Variants in FRMPD4 observed in about 807,000 individuals in gnomAD.
FRMPD4 encodes FERM and PDZ domain containing 4.
In FRMPD4, 22 loss-of-function variants were observed where a neutral mutation model predicts 94.1. The observed-to-expected ratio is 0.23, with a 90% CI of 0.17 to 0.33. FRMPD4 has a LOEUF of 0.33. FRMPD4 is among the 10% of genes least tolerant of loss of function. The pLI is 1.00. For synonymous variants in FRMPD4, 631 were observed against 548.6 expected, an observed-to-expected ratio of 1.15 and a Z score of -2.10; for missense variants, 1,111 against 1,339.9, an observed-to-expected ratio of 0.83 and a Z score of 2.67.
intron 1 of FRMPD4, among the ~76,000 whole-genome samples, chrX:12,392,763 C>A (rs1400191815): frequency 8.9e-6 from 1 of 111,858 alleles, no homozygotes; most frequent in Admixed American, 9.4e-5. Flanking sequence ...TAAGTGTCTG[C>A]ATTATTTTCT....
intron 2 of FRMPD4, among the ~76,000 whole-genome samples, chrX:12,526,095 G>C (rs1006262220): frequency 8.0e-5 from 9 of 112,297 alleles, no homozygotes; most frequent in Non-Finnish European, 1.7e-4. Context: ...GTGCTACAGG[G>C]TAGGTAATTT....
At chrX:11,967,778 TA>T (rs2054319329) in intron 3 of FRMPD4, among the ~76,000 whole-genome samples, 5 of 102,543 alleles carry the variant, frequency 4.9e-5, no homozygotes, top group African/African-American at 1.8e-4. Flanking sequence ...TTTTTTTTTT[TA>T]AGGAAGCTGA....
intron 3 of FRMPD4, among the ~76,000 whole-genome samples, chrX:12,117,999 A>G (rs1043294670): frequency 1.8e-5 from 2 of 111,380 alleles, no homozygotes; most frequent in Non-Finnish European, 3.8e-5. Flanking sequence ...TCATCTGGGC[A>G]AATTCTTTTT....
At chrX:11,854,990 G>A (rs936303476) in intron 1 of FRMPD4, among the ~76,000 whole-genome samples, 5 of 111,988 alleles carry the variant, frequency 4.5e-5, no homozygotes, top group Admixed American at 1.9e-4. Context: ...CTCCACCCCT[G>A]CAGCATACTT....
intron 3 of FRMPD4, among the ~76,000 whole-genome samples, chrX:12,073,452 C>T (rs2054986737): frequency 8.9e-6 from 1 of 111,813 alleles, no homozygotes; most frequent in South Asian, 3.7e-4. Context: ...CATTATTATT[C>T]TTTTGATTAT....
At chrX:11,902,078 T>C (rs2053941346) in intron 3 of FRMPD4, among the ~76,000 whole-genome samples, 1 of 112,543 alleles carries the variant, frequency 8.9e-6, no homozygotes, top group African/African-American at 3.2e-5. Flanking sequence ...CTTATTTCTT[T>C]TGCTGCGTAG....
intron 5 of FRMPD4, among the ~76,000 whole-genome samples, chrX:12,678,796 C>G (rs188270218): frequency 1.4e-4 from 16 of 112,094 alleles, no homozygotes; most frequent in East Asian, 1.4e-3. Flanking sequence ...TTGCACTCCA[C>G]CCTGGGCAAC....
At chrX:12,067,562 C>T (rs2054932140) in intron 3 of FRMPD4, among the ~76,000 whole-genome samples, 2 of 109,757 alleles carry the variant, frequency 1.8e-5, no homozygotes, top group Non-Finnish European at 3.8e-5. Flanking sequence ...AGATTACAGG[C>T]GTGCATCACC....
chrX:12,435,569 T>A (rs929433732), intron 1 of FRMPD4, among the ~76,000 whole-genome samples: 76 of 109,097 alleles, frequency 7.0e-4, no homozygotes, highest in Non-Finnish European at 9.8e-4. Context: ...CATTTTTTTT[T>A]ATCATGAATA....
At chrX:12,614,908 G>A (rs752472059) in intron 4 of FRMPD4, 27 bp downstream of exon 4, 1 of 883,466 alleles carries the variant, frequency 1.1e-6, no homozygotes, top group East Asian at 3.2e-5. Context: ...CCTGTGTCCT[G>A]TTCTGCTTTG....
intron 3 of FRMPD4, among the ~76,000 whole-genome samples, chrX:11,926,246 A>C (rs5933932): frequency 0.34 from 32,289 of 95,595 alleles, 5,269 homozygotes; most frequent in East Asian, 0.81. Flanking sequence ...TAATAATAAA[A>C]AGCTTACCAA....
chrX:12,318,127 A>T (rs938768030), intron 1 of FRMPD4, among the ~76,000 whole-genome samples: 3 of 113,058 alleles, frequency 2.7e-5, no homozygotes, highest in African/African-American at 9.6e-5. Context: ...CCATATAAAA[A>T]GAATGAAATC....
chrX:12,139,423 C>T (rs1229065882), intron 1 of FRMPD4, among the ~76,000 whole-genome samples: 2 of 110,459 alleles, frequency 1.8e-5, no homozygotes, highest in African/African-American at 3.3e-5. Flanking sequence ...GCCGCCTTCC[C>T]CCAACTCCTA....
chrX:12,192,434 G>A (rs1262081430), intron 1 of FRMPD4, among the ~76,000 whole-genome samples: 2 of 112,052 alleles, frequency 1.8e-5, no homozygotes, highest in Non-Finnish European at 3.8e-5. Flanking sequence ...CTATAGAATG[G>A]CAGCTGATAA....
chrX:12,074,228 A>T (rs2054994134), intron 3 of FRMPD4, among the ~76,000 whole-genome samples: 1 of 112,051 alleles, frequency 8.9e-6, no homozygotes, highest in Non-Finnish European at 1.9e-5. Flanking sequence ...AAAAACATTG[A>T]TACCTATTTA....
intron 4 of FRMPD4, among the ~76,000 whole-genome samples, chrX:12,653,532 A>G (rs2059617613): frequency 8.9e-6 from 1 of 111,894 alleles, no homozygotes; most frequent in Admixed American, 9.4e-5. Flanking sequence ...AGGGGTATTC[A>G]GGGCTCTGCC....
chrX:12,717,364 G>T (rs1202885586), intron 15 of FRMPD4, 137 bp from the exon 16 acceptor site: 1 of 488,769 alleles, frequency 2.0e-6, no homozygotes, highest in Non-Finnish European at 3.4e-6. Context: ...TGGAAAAACT[G>T]CAATAAACTC....
At chrX:12,016,123 A>G (rs1392129990) in intron 3 of FRMPD4, among the ~76,000 whole-genome samples, 1 of 112,241 alleles carries the variant, frequency 8.9e-6, no homozygotes, top group East Asian at 2.8e-4. Context: ...ACAGTAATGC[A>G]GGGAAAATTA....
At position 11,834,454 on chromosome X, in the gene FRMPD4, G is replaced by A. The variant is rs757923122; in HGVS notation, c.-161+11739G>A. On this transcript the variant is annotated intron_variant, in intron 1 of 18. Coordinates refer to the FRMPD4 transcript ENST00000640291. Reference sequence around the variant, plus strand: ...GACAATTACCACATAATACCACACCGTCTGTTTTTAGAAGAGTCTAAATGA... The same window carrying A: ...GACAATTACCACATAATACCACACCATCTGTTTTTAGAAGAGTCTAAATGA... Among the ~76,000 whole-genome samples the A allele has an allele frequency of 1.0e-3, 116 of 111,872 alleles. No individual in the cohort carries two copies. The Middle Eastern group carries it at 0.014, about 14-fold the overall frequency.
Sources: allele counts gnomAD v4.1 joint callset (sites outside exome capture counted in the v4.1 genomes callset), GRCh38; gene constraint gnomAD v4.1.1; transcripts MANE v1.5; gene names NCBI Gene and HGNC (gene_info 2026-07-23, HGNC 2026-07-21).